ARIH1: variants seen among roughly 807,000 people sequenced by gnomAD.
The protein encoded by ARIH1 is E3 ubiquitin-protein ligase ARIH1.
ARIH1 carries 8 observed loss-of-function variants against 85.0 expected under a neutral mutation model. That is an observed-to-expected ratio of 0.09 (90% CI 0.06 to 0.17). ARIH1 has a LOEUF of 0.17. ARIH1 is among the 10% of genes least tolerant of loss of function. The pLI is 1.00. For missense variants in ARIH1, 311 were observed against 718.1 expected (o/e 0.43, Z 6.48); for synonymous variants, 238 against 253.6 (o/e 0.94, Z 0.59).
At chr15:72,580,642 G>A in intron 11 of ARIH1, 89 bp from the exon 12 acceptor site, 1 of 1,231,006 alleles carries the variant, frequency 8.1e-7, no homozygotes, top group Non-Finnish European at 1.1e-6. Context: ...TGTGAAGTGA[G>A]ACTTCATTAT....
intron 4 of ARIH1, 144 bp from the exon 5 acceptor site, chr15:72,555,708 A>T (rs1442496744): frequency 1.7e-5 from 12 of 716,320 alleles, no homozygotes; most frequent in Non-Finnish European, 2.9e-5. Context: ...ATACTCTCAC[A>T]CACATTTCCT....
chr15:72,512,011 C>T (rs372222304), intron 1 of ARIH1, among the ~76,000 whole-genome samples: 70 of 152,268 alleles, frequency 4.6e-4, no homozygotes, highest in Admixed American at 1.6e-3. Context: ...AATCCCAGGA[C>T]GAACCCCACT....
intron 2 of ARIH1, among the ~76,000 whole-genome samples, chr15:72,534,766 G>A (rs2064073557): frequency 6.6e-6 from 1 of 151,974 alleles, no homozygotes; most frequent in Non-Finnish European, 1.5e-5. Flanking sequence ...ACTCCATTCT[G>A]TATGTCTTTG....
chr15:72,491,276 G>GT (rs1157120523), intron 1 of ARIH1, among the ~76,000 whole-genome samples: 2 of 151,788 alleles, frequency 1.3e-5, no homozygotes, highest in Admixed American at 6.6e-5. Flanking sequence ...CCTTTGTAAG[G>GT]TTTTTTTCCT....
intron 1 of ARIH1, among the ~76,000 whole-genome samples, chr15:72,478,546 T>G (rs1250069366): frequency 6.6e-6 from 1 of 152,190 alleles, no homozygotes; most frequent in Non-Finnish European, 1.5e-5. Context: ...CAGCAAATGT[T>G]GATTGTGCTT....
chr15:72,573,542 C>T (rs1411170646), intron 11 of ARIH1, among the ~76,000 whole-genome samples: 1 of 152,062 alleles, frequency 6.6e-6, no homozygotes, highest in African/African-American at 2.4e-5. Context: ...GAGTGAGACT[C>T]TGTCGCTAAA....
At position 72,474,441 on chromosome 15, in the gene ARIH1, C is replaced by G; in HGVS notation, c.-199C>G. 1 of 675,402 alleles carries G rather than the reference C, an allele frequency of 1.5e-6. No homozygotes were observed. The highest frequency in any genetic ancestry group is 1.9e-5 in the African/African-American group (1 of 52,206). The allele number at this position is 675,402 out of a possible 1,614,324, so 41.8% of individuals were successfully genotyped here. A position where few individuals can be genotyped will look rare whatever the true frequency, so the allele number is the denominator to read the frequency against. ...CAGCAAGCGGCCCCCTCGCTCCCTC[C>G]CTCCCTCCTCCGCGCCCTCCCCGCC... On this transcript the variant is annotated 5_prime_UTR_variant, in exon 1 of 14. Transcript: ENST00000379887.
intron 1 of ARIH1, among the ~76,000 whole-genome samples, chr15:72,515,647 G>A (rs971940083): frequency 6.6e-6 from 1 of 152,202 alleles, no homozygotes; most frequent in Admixed American, 6.5e-5. Context: ...ATAGGCAGTG[G>A]TTCCATTATC....
intron 3 of ARIH1, among the ~76,000 whole-genome samples, chr15:72,551,157 A>G (rs570531056): frequency 4.6e-5 from 7 of 152,248 alleles, no homozygotes; most frequent in Non-Finnish European, 7.3e-5. Flanking sequence ...AATACCCTTT[A>G]TAAGAGCCAC....
At chr15:72,475,284 G>T in intron 1 of ARIH1, 3 of 564,040 alleles carry the variant, frequency 5.3e-6, no homozygotes, top group Non-Finnish European at 8.0e-6. Context: ...TCTCTTGCGG[G>T]CAATTTCTGC....
rs2064319517 is a variant in ARIH1 at position 72,586,933 on chromosome 15, A to G, written c.*3641A>G. On this transcript the variant is annotated 3_prime_UTR_variant, in exon 14 of 14. Transcript: ENST00000379887. ...TACTTTCATTTTAGCTCACTCTTAA[A>G]GCTGATACTGTTATATAGGGATGAA... The G allele has an allele frequency of 3.9e-6, 1 of 255,910 alleles. No homozygotes were observed. The allele number at this position is 255,910 out of a possible 1,614,324, so 15.9% of individuals were successfully genotyped here.
At position 72,597,164 on chromosome 15, in the gene ARIH1, C is replaced by G. The variant is rs1017516049; in HGVS notation, c.*13872C>G. 6.3e-5 allele frequency: 1 copy of G among 15,832 alleles called. No individual in the cohort carries two copies. Among genetic ancestry groups the G allele is most frequent in the African/African-American group, 1.5e-4 (1 of 6,806 alleles). 1.0% of individuals were successfully genotyped at this position (15,832 alleles called of 1,614,324 possible). A position where few individuals can be genotyped will look rare whatever the true frequency, so the allele number is the denominator to read the frequency against. ...GTTTACTTCCAAAACAGAGCATGCC[C>G]TTTGTTTTTTTTTCAGGCCACTTGA... is the stretch of plus-strand genomic sequence containing the variant. On this transcript the variant is annotated 3_prime_UTR_variant, in exon 14 of 14. Coordinates refer to ENST00000379887, the MANE Select transcript of ARIH1 (RefSeq NM_005744.5).
intron 12 of ARIH1, among the ~76,000 whole-genome samples, 159 bp downstream of exon 12, chr15:72,581,150 G>T (rs1182096682): frequency 6.6e-6 from 1 of 152,120 alleles, no homozygotes. Context: ...TCTATTTCTT[G>T]TCCTAAATTA....
intron 1 of ARIH1, among the ~76,000 whole-genome samples, chr15:72,512,699 A>C (rs568127552): frequency 5.3e-5 from 8 of 150,672 alleles, no homozygotes; most frequent in African/African-American, 1.9e-4. Context: ...CACAACTTTG[A>C]TATGTTGTAT....
intron 5 of ARIH1, among the ~76,000 whole-genome samples, chr15:72,556,777 C>T (rs749785814): frequency 2.6e-5 from 4 of 152,194 alleles, no homozygotes; most frequent in Non-Finnish European, 5.9e-5. Flanking sequence ...TTCATGTGTA[C>T]TCACTATTTA....
At chr15:72,567,796 A>G (rs945610458) in intron 9 of ARIH1, among the ~76,000 whole-genome samples, 1 of 152,164 alleles carries the variant, frequency 6.6e-6, no homozygotes, top group Non-Finnish European at 1.5e-5. Context: ...TCCTATCCCC[A>G]TAGTGAGTGA....
chr15:72,482,827 TTCTC>T (rs141193967), intron 1 of ARIH1, among the ~76,000 whole-genome samples: 107 of 144,294 alleles, frequency 7.4e-4, no homozygotes, highest in African/African-American at 2.4e-3. Context: ...TTGGTAGCAG[TTCTC>T]TCTCTCTCTT....
At chr15:72,577,134 C>T (rs1259811383) in intron 11 of ARIH1, among the ~76,000 whole-genome samples, 4 of 151,850 alleles carry the variant, frequency 2.6e-5, no homozygotes, top group Admixed American at 6.6e-5. Context: ...AGACATGCGC[C>T]ACCATGCCTG....
At chr15:72,543,524 G>C (rs1168321540) in intron 2 of ARIH1, among the ~76,000 whole-genome samples, 1 of 151,892 alleles carries the variant, frequency 6.6e-6, no homozygotes, top group African/African-American at 2.4e-5. Flanking sequence ...TTATTTCATT[G>C]AACTATGCTG....
Sources: allele counts gnomAD v4.1 joint callset (sites outside exome capture counted in the v4.1 genomes callset), GRCh38; gene constraint gnomAD v4.1.1; transcripts MANE v1.5; gene names NCBI Gene and HGNC (gene_info 2026-07-23, HGNC 2026-07-21).